Variants in FAM111B observed in about 807,000 individuals in gnomAD.
The protein encoded by FAM111B is FAM111 trypsin like peptidase B, also known as serine protease FAM111B.
In FAM111B, 1 loss-of-function variant was observed where a neutral mutation model predicts 2.8. That is an observed-to-expected ratio of 0.36 (90% confidence interval 0.13 to 1.70). FAM111B has a LOEUF of 1.70. Among genes scored for constraint, FAM111B ranks in the 40% most tolerant of loss-of-function variants. The pLI, the probability that FAM111B is intolerant of heterozygous loss-of-function variation, is 0.35. For synonymous variants in FAM111B, 297 were observed against 295.6 expected (o/e 1.00, Z -0.05); for missense variants, 882 against 878.9 (o/e 1.00, Z -0.04).
At chr11:59,118,478 C>T (rs1198787605) in intron 3 of FAM111B, among the ~76,000 whole-genome samples, 2 of 152,206 alleles carry the variant, frequency 1.3e-5, no homozygotes, top group African/African-American at 4.8e-5. Flanking sequence ...TCAGAGTTTT[C>T]TTCATAGATT....
chr11:59,112,247 G>C (rs562489611), intron 3 of FAM111B, among the ~76,000 whole-genome samples: 36 of 152,128 alleles, frequency 2.4e-4, no homozygotes, highest in South Asian at 4.1e-4. Context: ...TCATATAAAT[G>C]GAACATACAC....
At chr11:59,124,075 TTATC>T (rs1243038289) in intron 3 of FAM111B, 100 bp from the exon 4 acceptor site, 2 of 686,278 alleles carry the variant, frequency 2.9e-6, no homozygotes, top group African/African-American at 3.6e-5. Context: ...AACCATTATA[TTATC>T]TAATTTTTAT....
At chr11:59,120,920 G>A (rs1486152608) in intron 3 of FAM111B, among the ~76,000 whole-genome samples, 4 of 152,026 alleles carry the variant, frequency 2.6e-5, no homozygotes, top group African/African-American at 9.7e-5. Flanking sequence ...ACAGATCAGT[G>A]GAGAAAGAAT....
intron 1 of FAM111B, among the ~76,000 whole-genome samples, chr11:59,108,210 C>T (rs1378628075): frequency 2.0e-5 from 3 of 152,170 alleles, no homozygotes; most frequent in African/African-American, 7.2e-5. Context: ...GAGCCAAAGT[C>T]CTTAATCTAG....
At chr11:59,108,054 C>G (rs763486323) in intron 1 of FAM111B, among the ~76,000 whole-genome samples, 1 of 152,110 alleles carries the variant, frequency 6.6e-6, no homozygotes, top group African/African-American at 2.4e-5. Context: ...GCCTTTGAGG[C>G]GGGGGTTGTG....
chr11:59,126,504 C>A lies in FAM111B; in HGVS notation c.*202C>A. On this transcript the variant is annotated 3_prime_UTR_variant, in exon 4 of 4. Transcript: ENST00000343597. ...AAATATTTGCAAACTATGCATACAG[C>A]AAAGATCTAATATTCAGAATCCATT... The A allele has an allele frequency of 2.3e-6, 1 of 427,606 alleles. No individual in the cohort carries two copies. The highest frequency in any genetic ancestry group is 4.1e-6 in the Non-Finnish European group (1 of 244,374). The allele number at this position is 427,606 out of a possible 1,614,324, so 26.5% of individuals were successfully genotyped here.
In FAM111B at chr11:59,125,439, G is replaced by T; in HGVS notation, c.1342G>T (p.Val448Phe). The change falls in exon 4 of 4, where the codon GTT becomes TTT. Residue 448 changes from valine to phenylalanine, a missense_variant. Val to Phe is a conservative substitution (Grantham distance 50, BLOSUM62 -1). Transcript: ENST00000343597. Reference protein sequence around the residue: ...FGKMTANSVSVATCEQLTYYS... With the variant: ...FGKMTANSVSFATCEQLTYYS... Reference sequence around the variant, plus strand: ...AAAAATGACTGCAAATTCTGTTTCAGTTGCAACCTGCGAACAGCTTACATA... The same window carrying T: ...AAAAATGACTGCAAATTCTGTTTCATTTGCAACCTGCGAACAGCTTACATA... The T allele has an allele frequency of 6.2e-7, 1 of 1,613,994 alleles. No homozygotes were observed. Among genetic ancestry groups the T allele is most frequent in the Non-Finnish European group, 8.5e-7 (1 of 1,179,862 alleles).
rs182054423 is a variant in FAM111B, at chr11:59,122,284, C to G, written c.82-1895C>G. 6.0e-3 allele frequency among the ~76,000 whole-genome samples: 919 copies of G among 152,054 alleles called. 6 individuals are homozygous for G. Among genetic ancestry groups the G allele is most frequent in the Middle Eastern group, 0.01 (3 of 294 alleles). On this transcript the variant is annotated intron_variant, in intron 3 of 3. Coordinates refer to ENST00000343597, the MANE Select transcript of FAM111B (RefSeq NM_198947.4). ...TACTTTTACTACATATGTATATGTC[C>G]CTAAATAAGTGTAAGACAATGATAA...
intron 3 of FAM111B, among the ~76,000 whole-genome samples, chr11:59,116,047 G>C (rs1859836822): frequency 6.6e-6 from 1 of 152,122 alleles, no homozygotes; most frequent in South Asian, 2.1e-4. Flanking sequence ...GACAGGGGTT[G>C]GGCATAATCT....
At chr11:59,124,053 C>A in intron 3 of FAM111B, 126 bp from the exon 4 acceptor site, 1 of 554,016 alleles carries the variant, frequency 1.8e-6, no homozygotes, top group South Asian at 4.6e-5. Flanking sequence ...GATTTTTTCT[C>A]CATTATTCGT....
At chr11:59,119,912 T>C (rs1859895310) in intron 3 of FAM111B, among the ~76,000 whole-genome samples, 1 of 152,198 alleles carries the variant, frequency 6.6e-6, no homozygotes, top group African/African-American at 2.4e-5. Flanking sequence ...CCACAGATGG[T>C]ATCATATCTA....
In FAM111B at chr11:59,124,223, TTGTC is replaced by T. The variant is rs1413758378; in HGVS notation, c.128_131del (p.Cys43TyrfsTer4). On this transcript the variant is annotated frameshift_variant, in exon 4 of 4. Coordinates refer to ENST00000343597, the MANE Select transcript of FAM111B (RefSeq NM_198947.4). LOFTEE classifies it low-confidence loss of function (END_TRUNC). ...CACATGCTGACACACCTGTTGATCA[TTGTC>T]TATCTGGCATAAGAAAGTGTAGCAG... The T allele has an allele frequency of 6.2e-7, 1 of 1,613,746 alleles. No individual in the cohort carries two copies. The highest frequency in any genetic ancestry group is 8.5e-7 in the Non-Finnish European group (1 of 1,179,730).
At chr11:59,120,519 C>T (rs1859904754) in intron 3 of FAM111B, among the ~76,000 whole-genome samples, 1 of 152,182 alleles carries the variant, frequency 6.6e-6, no homozygotes. Context: ...GCTTAAACAA[C>T]AGAAATGCAT....
chr11:59,111,519 A>G (rs1223077294), intron 3 of FAM111B, among the ~76,000 whole-genome samples: 1 of 152,188 alleles, frequency 6.6e-6, no homozygotes, highest in African/African-American at 2.4e-5. Context: ...TGTTAAAATG[A>G]TTAGGGCTAT....
chr11:59,124,791 C>G lies in FAM111B; in HGVS notation c.694C>G (p.Arg232Gly). Reference sequence around the variant, plus strand: ...AGCCTTATGCAAGGATGGCCGTTTTCGGTCTGACATAGGTGAATTTGAATG... The same window carrying G: ...AGCCTTATGCAAGGATGGCCGTTTTGGGTCTGACATAGGTGAATTTGAATG... ...EGALCKDGRF[R>G]SDIGEFEWKL... is the part of the protein sequence containing the mutation. The change falls in exon 4 of 4, where the codon CGG becomes GGG. Residue 232 changes from arginine (R) to glycine (G), a missense_variant. Physicochemically the swap from Arg to Gly is moderately radical, Grantham distance 125. Transcript: ENST00000343597. 1 of 1,613,658 alleles carries G rather than the reference C, an allele frequency of 6.2e-7. No individual in the cohort carries two copies. The highest frequency in any genetic ancestry group is 8.5e-7 in the Non-Finnish European group (1 of 1,179,800).
In FAM111B at chr11:59,109,562, T is replaced by C; in HGVS notation, c.-64T>C. 1.7e-6 allele frequency: 2 copies of C among 1,194,614 alleles called. No homozygotes were observed. The highest frequency in any genetic ancestry group is 2.4e-6 in the Non-Finnish European group (2 of 846,918). 74.0% of individuals were successfully genotyped at this position (1,194,614 alleles called of 1,614,324 possible). A position where few individuals can be genotyped will look rare whatever the true frequency, so the allele number is the denominator to read the frequency against. On this transcript the variant is annotated 5_prime_UTR_variant, in exon 3 of 4. Transcript: ENST00000343597. Reference sequence around the variant, plus strand: ...TAGACATTTCAGGTGGCAGAATAAATTCAATCCTTGTTTCTCCATCTTATC... The same window carrying C: ...TAGACATTTCAGGTGGCAGAATAAACTCAATCCTTGTTTCTCCATCTTATC...
rs558486739 is a variant in FAM111B, at chr11:59,113,203, ATTGTGTG to A, written c.81+3504_81+3510del. Among the ~76,000 whole-genome samples, 177 of 73,936 alleles carry A rather than the reference ATTGTGTG, an allele frequency of 2.4e-3. 2 individuals carry two copies. The highest frequency in any genetic ancestry group is 0.015 in the African/African-American group (160 of 10,588). 48.5% of individuals were successfully genotyped at this position (73,936 alleles called of 152,430 possible). On this transcript the variant is annotated intron_variant, in intron 3 of 3. Transcript: ENST00000343597. ...GATCAAAGTTTGTGTGTTTGTGTAA[ATTGTGTG>A]TTGTGTAAAAAAATTAACACAATTG...
rs773400199 is a variant in FAM111B, at chr11:59,109,717, T to C, written c.81+11T>C. ...CCTGAAGTTTCAAAGGTATATCTAC[T>C]TTTTTACAACTCCTCAGAGGAGTGA... On this transcript the variant is annotated intron_variant, in intron 3 of 3. Coordinates refer to ENST00000343597, the MANE Select transcript of FAM111B (RefSeq NM_198947.4). 1.7e-4 allele frequency: 275 copies of C among 1,575,148 alleles called. No homozygotes were observed. The highest frequency in any genetic ancestry group is 2.2e-4 in the Non-Finnish European group (258 of 1,147,644).
rs780611406 is a variant in FAM111B at position 59,124,794 on chromosome 11, T to G, written c.697T>G (p.Ser233Ala). ...GALCKDGRFR[S>A]DIGEFEWKLK... ...CTTATGCAAGGATGGCCGTTTTCGG[T>G]CTGACATAGGTGAATTTGAATGGAA... is the stretch of plus-strand genomic sequence containing the variant. Residue 233 changes from serine (S) to alanine (A), a missense_variant, in exon 4 of 4, where the codon TCT becomes GCT. Coordinates refer to ENST00000343597, the MANE Select transcript of FAM111B (RefSeq NM_198947.4). 5 of 1,613,818 alleles carry G rather than the reference T, an allele frequency of 3.1e-6. No homozygotes were observed.
Sources: gnomAD v4.1 joint callset for allele counts (sites outside exome capture counted in the v4.1 genomes callset) on GRCh38, gnomAD v4.1.1 for gene constraint, MANE v1.5 for transcripts, NCBI Gene and HGNC (gene_info 2026-07-23, HGNC 2026-07-21) for gene names.